Variants in ACVR1B observed in about 807,000 individuals in gnomAD.
ACVR1B encodes activin A receptor type 1B, also known as activin receptor type-1B.
A neutral mutation model predicts 55.6 loss-of-function variants in ACVR1B; 15 were observed. The observed-to-expected ratio is 0.27, with a 90% CI of 0.18 to 0.42. The LOEUF (loss-of-function observed/expected upper bound fraction) is 0.42, where lower values mean the gene tolerates loss of function less well. ACVR1B is among the 10% of genes least tolerant of loss of function. ACVR1B has a pLI of 1.00. For synonymous variants in ACVR1B, 247 were observed against 254.6 expected, an observed-to-expected ratio of 0.97 and a Z score of 0.28; for missense variants, 359 against 670.1, an observed-to-expected ratio of 0.54 and a Z score of 5.13.
intron 7 of ACVR1B, among the ~76,000 whole-genome samples, chr12:51,989,125 G>A (rs1306857515): frequency 4.6e-5 from 7 of 152,024 alleles, no homozygotes; most frequent in South Asian, 2.1e-4. Context: ...GTGTAGTGGC[G>A]GGCGCCTGTA....
At chr12:51,971,123 GT>G (rs1489189364) in intron 1 of ACVR1B, among the ~76,000 whole-genome samples, 1 of 152,160 alleles carries the variant, frequency 6.6e-6, no homozygotes. Flanking sequence ...TGAGTGGCCT[GT>G]CTTTTCTGAG....
intron 1 of ACVR1B, among the ~76,000 whole-genome samples, chr12:51,969,501 A>T (rs1941704165): frequency 6.6e-6 from 1 of 152,220 alleles, no homozygotes; most frequent in Non-Finnish European, 1.5e-5. Flanking sequence ...CCTATAATAA[A>T]AGTGGGCTAC....
In ACVR1B at chr12:51,981,158, G is replaced by A. The variant is rs765649298; in HGVS notation, c.770G>A (p.Arg257His). The A allele has an allele frequency of 1.2e-6, 2 of 1,614,100 alleles. No individual in the cohort carries two copies. Among genetic ancestry groups the A allele is most frequent in the Non-Finnish European group, 1.7e-6 (2 of 1,179,988 alleles). Residue 257 changes from arginine to histidine, a missense_variant, in exon 4 of 9, where the codon CGC (arginine) becomes CAC (histidine). By Grantham distance (29) the Arg-to-His change is conservative. This residue lies in a region of ACVR1B where 119 missense variants were observed against 340.2 expected (regional missense o/e 0.35). Transcript: ENST00000257963. ...EAEIYQTVML[R>H]HENILGFIAA... ...GAGATATACCAGACGGTCATGCTGC[G>A]CCATGAAAACATCCTTGGATTTATT...
At chr12:51,987,562 C>T (rs749905242) in intron 7 of ACVR1B, 3 of 184,062 alleles carry the variant, frequency 1.6e-5, no homozygotes, top group Non-Finnish European at 3.5e-5. Flanking sequence ...GCCACATGAT[C>T]AAGTTCCAGG....
rs140512254 is a variant in ACVR1B at position 51,982,830 on chromosome 12, C to G, written c.812-1169C>G. On this transcript the variant is annotated intron_variant, in intron 4 of 8. Coordinates refer to ENST00000257963, the MANE Select transcript of ACVR1B (RefSeq NM_004302.5). ...CTGAGTAAGCTATTCCTTTTTAAAA[C>G]TATCACCTTTTGATAAAATTTAAAT... 9.5e-5 allele frequency: 140 copies of G among 1,481,042 alleles called. No homozygotes were observed. In the African/African-American group the frequency reaches 1.9e-3, roughly 20 times the overall value. 91.7% of individuals were successfully genotyped at this position (1,481,042 alleles called of 1,614,324 possible).
chr12:51,968,490 C>G (rs1941684442), intron 1 of ACVR1B, among the ~76,000 whole-genome samples: 1 of 152,114 alleles, frequency 6.6e-6, no homozygotes, highest in South Asian at 2.1e-4. Context: ...ATGACTGCAA[C>G]TATATTTCCC....
At position 51,997,018 on chromosome 12, in the gene ACVR1B, T is replaced by G. The variant is rs1286067426; in HGVS notation, c.*2908T>G. 1.3e-5 allele frequency: 2 copies of G among 152,674 alleles called. No homozygotes were observed. Among genetic ancestry groups the G allele is most frequent in the African/African-American group, 4.8e-5 (2 of 41,454 alleles). 9.5% of individuals were successfully genotyped at this position (152,674 alleles called of 1,614,324 possible). A position where few individuals can be genotyped will look rare whatever the true frequency, so the allele number is the denominator to read the frequency against. The stretch of plus-strand genomic sequence containing the variant: ...ATTGTAATATAGGAAATCTTTTGTT[T>G]TAATATAAGAATGAGCCTGTCCAAT... On this transcript the variant is annotated 3_prime_UTR_variant, in exon 9 of 9. Coordinates refer to ENST00000257963, the MANE Select transcript of ACVR1B (RefSeq NM_004302.5).
intron 1 of ACVR1B, among the ~76,000 whole-genome samples, chr12:51,964,051 A>G (rs1168996721): frequency 1.3e-5 from 2 of 152,236 alleles, no homozygotes; most frequent in Non-Finnish European, 2.9e-5. Flanking sequence ...ATTAGAGATG[A>G]TGTTGAACAT....
chr12:51,984,778 G>T (rs776833940), intron 5 of ACVR1B, among the ~76,000 whole-genome samples: 1 of 152,202 alleles, frequency 6.6e-6, no homozygotes, highest in African/African-American at 2.4e-5. Flanking sequence ...TATTCCTATA[G>T]CCTGTGCGGT....
Position 51,975,455 on chromosome 12 carries a change from C to T in ACVR1B, c.282C>T (p.His94=). Residue 94 remains histidine (H), a synonymous_variant, in exon 2 of 9, where the codon CAC becomes CAT. Transcript: ENST00000257963. The stretch of plus-strand genomic sequence containing the variant: ...GCTCGGAGGACCTGCGCAACACCCA[C>T]TGCTGCTACACTGACTACTGCAACA... ...CLSSEDLRNT[H]CCYTDYCNRI... The T allele has an allele frequency of 1.2e-6, 2 of 1,614,254 alleles. 1 individual carries two copies. Among genetic ancestry groups the T allele is most frequent in the East Asian group, 4.5e-5 (2 of 44,888 alleles).
chr12:51,972,254 T>G (rs1436226627), intron 1 of ACVR1B, among the ~76,000 whole-genome samples: 1 of 152,138 alleles, frequency 6.6e-6, no homozygotes. Context: ...AAAATAGATA[T>G]ATATTTCTTC....
At chr12:51,982,447 C>T (rs1331562241) in intron 4 of ACVR1B, among the ~76,000 whole-genome samples, 1 of 152,160 alleles carries the variant, frequency 6.6e-6, no homozygotes, top group Admixed American at 6.5e-5. Flanking sequence ...GACCATCACA[C>T]ATAAGAGCAA....
chr12:51,956,905 G>A (rs1488872557), intron 1 of ACVR1B, among the ~76,000 whole-genome samples: 1 of 151,832 alleles, frequency 6.6e-6, no homozygotes, highest in African/African-American at 2.4e-5. Flanking sequence ...GACCTCAGGT[G>A]TACACCACCA....
chr12:51,955,287 C>G (rs11610143), intron 1 of ACVR1B, among the ~76,000 whole-genome samples: 28,348 of 152,164 alleles, frequency 0.19, 3,669 homozygotes, highest in Admixed American at 0.42. Context: ...CTCTAAGAAC[C>G]TTTTTAGATG....
intron 7 of ACVR1B, among the ~76,000 whole-genome samples, chr12:51,989,533 C>A (rs1338571226): frequency 6.6e-6 from 1 of 152,084 alleles, no homozygotes; most frequent in Non-Finnish European, 1.5e-5. Context: ...GGTCCACCTG[C>A]CTTAGCCTCC....
chr12:51,987,387 G>C, intron 7 of ACVR1B: 1 of 443,238 alleles, frequency 2.3e-6, no homozygotes, highest in Admixed American at 3.9e-5. Context: ...AAAGTGCATA[G>C]ATTTTTCTTA....
In ACVR1B at chr12:51,981,301, G is replaced by A. The variant is rs561442251; in HGVS notation, c.811+102G>A. 6.6e-5 allele frequency: 67 copies of A among 1,015,010 alleles called. No homozygotes were observed. In the African/African-American group the frequency reaches 7.8e-4, roughly 12 times the overall value. 62.9% of individuals were successfully genotyped at this position (1,015,010 alleles called of 1,614,324 possible). A position where few individuals can be genotyped will look rare whatever the true frequency, so the allele number is the denominator to read the frequency against. On this transcript the variant is annotated intron_variant, in intron 4 of 8. Transcript: ENST00000257963. ...CTGTTTGCCTTCATCATTGTAACCC[G>A]TAGAAAGAAAACTTGAGTAAGGTCA...
In ACVR1B at chr12:51,959,531, C is replaced by A. The variant is rs143834591; in HGVS notation, c.91+7697C>A. ...GACCCAATCCTAGATGAGAAGGCAG[C>A]CCTAACTGGCACTGTCGGTGCTGTG... On this transcript the variant is annotated intron_variant, in intron 1 of 8. Coordinates refer to ENST00000257963, the MANE Select transcript of ACVR1B (RefSeq NM_004302.5). Among the ~76,000 whole-genome samples, 15 of 152,294 alleles carry A rather than the reference C, an allele frequency of 9.8e-5. No homozygotes were observed. In the East Asian group the frequency reaches 2.9e-3, roughly 29 times the overall value.
intron 7 of ACVR1B, among the ~76,000 whole-genome samples, chr12:51,989,662 A>G (rs1316900145): frequency 6.6e-6 from 1 of 152,184 alleles, no homozygotes; most frequent in African/African-American, 2.4e-5. Flanking sequence ...GAGGACTTAA[A>G]AAAATGCAGT....
Sources: gnomAD v4.1 joint callset for allele counts (sites outside exome capture counted in the v4.1 genomes callset) on GRCh38, gnomAD v4.1.1 for gene constraint, gnomAD v4.1.1 regional missense constraint, MANE v1.5 for transcripts, NCBI Gene and HGNC (gene_info 2026-07-23, HGNC 2026-07-21) for gene names.